Variants in BMPR2 observed in about 807,000 individuals in gnomAD.
BMPR2 encodes the protein bone morphogenetic protein receptor type-2.
A neutral mutation model predicts 100.8 loss-of-function variants in BMPR2; 29 were observed. That is an observed-to-expected ratio of 0.29 (90% CI 0.21 to 0.39). BMPR2 has a LOEUF of 0.39. Ranked by LOEUF, BMPR2 falls within the 10% of genes least tolerant of loss-of-function variation. The pLI, the probability that BMPR2 is intolerant of heterozygous loss-of-function variation, is 1.00. For synonymous variants in BMPR2, 382 were observed against 442.3 expected (o/e 0.86, Z 1.71); for missense variants, 1,011 against 1,274.5 (o/e 0.79, Z 3.15).
At chr2:202,485,467 G>C (rs1692753893) in intron 3 of BMPR2, among the ~76,000 whole-genome samples, 1 of 150,654 alleles carries the variant, frequency 6.6e-6, no homozygotes, top group South Asian at 2.1e-4. Context: ...TCGGTTTGTA[G>C]CTGCGTAATT....
chr2:202,397,494 G>T (rs1559025439), intron 1 of BMPR2, among the ~76,000 whole-genome samples: 1 of 143,702 alleles, frequency 7.0e-6, no homozygotes, highest in Non-Finnish European at 1.5e-5. Context: ...GTAAGTGTAG[G>T]TTTTTTTTTG....
chr2:202,550,889 C>T (rs1174211714), intron 10 of BMPR2, among the ~76,000 whole-genome samples: 1 of 145,448 alleles, frequency 6.9e-6, no homozygotes, highest in African/African-American at 2.5e-5. Flanking sequence ...TTGGGTTCTA[C>T]TTATTATCTA....
At position 202,503,855 on chromosome 2, in the gene BMPR2, G is replaced by T. The variant is rs1687460082; in HGVS notation, c.419-9864G>T. The stretch of plus-strand genomic sequence containing the variant: ...CTCCTGAGTCTGGTGGGGACATGGA[G>T]AACCTTTATGTCTAGCTCAGGGATT... On this transcript the variant is annotated intron_variant, in intron 3 of 12. Coordinates refer to ENST00000374580, the MANE Select transcript of BMPR2 (RefSeq NM_001204.7). The surrounding 1 kb of genome is among the most constrained non-coding windows in gnomAD (Gnocchi z 4.0). Among the ~76,000 whole-genome samples the T allele has an allele frequency of 6.6e-6, 1 of 152,236 alleles. No individual in the cohort carries two copies. The highest frequency in any genetic ancestry group is 2.4e-5 in the African/African-American group (1 of 41,468).
At chr2:202,419,496 A>G (rs1183005584) in intron 1 of BMPR2, among the ~76,000 whole-genome samples, 1 of 152,058 alleles carries the variant, frequency 6.6e-6, no homozygotes, top group African/African-American at 2.4e-5. Context: ...AGCTGGGATT[A>G]CAGGCGCGTG....
intron 1 of BMPR2, among the ~76,000 whole-genome samples, chr2:202,405,148 C>T (rs1690861649): frequency 6.6e-6 from 1 of 152,004 alleles, no homozygotes; most frequent in Admixed American, 6.6e-5. Context: ...ACTCCATTTA[C>T]AACATTGGTC....
chr2:202,440,426 G>A (rs1439124876), intron 1 of BMPR2, among the ~76,000 whole-genome samples: 4 of 148,980 alleles, frequency 2.7e-5, no homozygotes, highest in Admixed American at 2.0e-4. Flanking sequence ...GGGCAGAGAC[G>A]CTCCTCACTT....
intron 9 of BMPR2, among the ~76,000 whole-genome samples, chr2:202,541,539 G>A (rs1409587795): frequency 6.6e-6 from 1 of 152,166 alleles, no homozygotes; most frequent in Non-Finnish European, 1.5e-5. Context: ...AACCAATGAT[G>A]TAATGAGACA....
chr2:202,507,315 A>G (rs1687538332), intron 3 of BMPR2, among the ~76,000 whole-genome samples: 1 of 152,138 alleles, frequency 6.6e-6, no homozygotes, highest in African/African-American at 2.4e-5. Flanking sequence ...TTATCAGGGA[A>G]GTGTTTTGGC....
intron 3 of BMPR2, among the ~76,000 whole-genome samples, chr2:202,480,870 G>A (rs1692645089): frequency 6.8e-6 from 1 of 146,984 alleles, no homozygotes; most frequent in African/African-American, 2.5e-5. Context: ...CAGGAGAATG[G>A]CATGAATCTG....
intron 1 of BMPR2, among the ~76,000 whole-genome samples, chr2:202,406,544 T>C (rs6435149): frequency 0.33 from 50,706 of 152,162 alleles, 9,515 homozygotes; most frequent in African/African-American, 0.51. Flanking sequence ...GGAAAGTGAA[T>C]GTAGTTTCAT....
At chr2:202,496,488 CAAAA>C (rs200829157) in intron 3 of BMPR2, among the ~76,000 whole-genome samples, 3 of 149,154 alleles carry the variant, frequency 2.0e-5, no homozygotes, top group Admixed American at 1.3e-4. Flanking sequence ...AAAACAAAAA[CAAAA>C]AAAAATCAAA....
intron 1 of BMPR2, among the ~76,000 whole-genome samples, chr2:202,404,310 G>C (rs554900101): frequency 6.6e-6 from 1 of 150,954 alleles, no homozygotes; most frequent in Non-Finnish European, 1.5e-5. Flanking sequence ...TCCTGCCTCA[G>C]CCTCCCAAGT....
chr2:202,472,527 C>T (rs369460228), intron 3 of BMPR2, among the ~76,000 whole-genome samples: 245 of 152,248 alleles, frequency 1.6e-3, no homozygotes, highest in African/African-American at 5.6e-3. Context: ...GGCATGGTGG[C>T]GCATGCCTGT....
rs185572001 is a variant in BMPR2 at position 202,460,593 on chromosome 2, A to G, written c.77-4216A>G. Among the ~76,000 whole-genome samples the G allele has an allele frequency of 1.2e-4, 19 of 152,296 alleles. No individual in the cohort carries two copies. In the East Asian group the frequency reaches 3.1e-3, roughly 25 times the overall value. On this transcript the variant is annotated intron_variant, in intron 1 of 12. Coordinates refer to ENST00000374580, the MANE Select transcript of BMPR2 (RefSeq NM_001204.7). ...ACATTGTAGTACAAAATTGAATAAG[A>G]GGATTGGAAGAACACCTTGAGAAAC...
At chr2:202,391,693 C>A (rs140808335) in intron 1 of BMPR2, among the ~76,000 whole-genome samples, 351 of 151,850 alleles carry the variant, frequency 2.3e-3, no homozygotes, top group African/African-American at 8.0e-3. Context: ...TCAGGCCATC[C>A]TCTCACCTCA....
Position 202,486,075 on chromosome 2 carries a change from G to A in BMPR2, c.418+18386G>A, listed in dbSNP as rs112599682. Among the ~76,000 whole-genome samples, 590 of 152,052 alleles carry A rather than the reference G, an allele frequency of 3.9e-3. 5 individuals carry two copies. The highest frequency in any genetic ancestry group is 0.012 in the African/African-American group (495 of 41,476). On this transcript the variant is annotated intron_variant, in intron 3 of 12. Transcript: ENST00000374580. ...TGGTCTACACTCATTAATGCCAATA[G>A]CCCTCTAACCCTAATATGACAATTA...
At chr2:202,464,667 T>G in intron 1 of BMPR2, 142 bp from the exon 2 acceptor site, 1 of 793,452 alleles carries the variant, frequency 1.3e-6, no homozygotes, top group South Asian at 2.2e-5. Context: ...TCATTGAATG[T>G]AAAATTAGAA....
intron 3 of BMPR2, among the ~76,000 whole-genome samples, chr2:202,509,612 T>C (rs929019357): frequency 6.6e-6 from 1 of 151,864 alleles, no homozygotes; most frequent in Admixed American, 6.6e-5. Context: ...ATTCTGTGCT[T>C]TTTATGTACA....
At chr2:202,522,190 T>TC (rs2106010318) in intron 7 of BMPR2, among the ~76,000 whole-genome samples, 1 of 149,460 alleles carries the variant, frequency 6.7e-6, no homozygotes, top group Admixed American at 6.7e-5. Context: ...AAAAAGAACT[T>TC]CAAGACTTAC....
Sources: allele counts gnomAD v4.1 joint callset (sites outside exome capture counted in the v4.1 genomes callset), GRCh38; gene constraint gnomAD v4.1.1; non-coding constraint Gnocchi (gnomAD v3.1); transcripts MANE v1.5; gene names NCBI Gene and HGNC (gene_info 2026-07-23, HGNC 2026-07-21).